Variants in LRP1B observed in about 807,000 individuals in gnomAD.
LRP1B encodes low-density lipoprotein receptor-related protein 1B.
A neutral mutation model predicts 556.6 loss-of-function variants in LRP1B; 217 were observed. That is an observed-to-expected ratio of 0.39 (90% CI 0.35 to 0.44). The LOEUF is 0.44. Among genes scored for constraint, LRP1B ranks in the 20% least tolerant of loss-of-function variants. LRP1B has a pLI of 1.00. For missense variants in LRP1B, 5,053 were observed against 5,620.8 expected (o/e 0.90, Z 3.23); for synonymous variants, 2,047 against 1,865.8 (o/e 1.10, Z -2.50).
intron 56 of LRP1B, among the ~76,000 whole-genome samples, chr2:140,493,003 G>T (rs1688767122): frequency 6.6e-6 from 1 of 152,122 alleles, no homozygotes; most frequent in Non-Finnish European, 1.5e-5. Context: ...TTGTCTGCAT[G>T]AATTGCAGAA....
At chr2:141,158,304 A>G (rs1702119457) in intron 7 of LRP1B, among the ~76,000 whole-genome samples, 1 of 152,208 alleles carries the variant, frequency 6.6e-6, no homozygotes, top group African/African-American at 2.4e-5. Flanking sequence ...TGAAGTCAAG[A>G]GCAGCTGAAC....
rs950256999 is a variant in LRP1B, at chr2:140,650,081, T to A, written c.6800-48442A>T. ...CATAAAGAAATATATATTCTAAAAG[T>A]AAGCTACACGAAAGAGACAATTTTT... On this transcript the variant is annotated intron_variant, in intron 41 of 90. Transcript: ENST00000389484. Among the ~76,000 whole-genome samples, 3 of 152,010 alleles carry A rather than the reference T, an allele frequency of 2.0e-5. 1 individual carries two copies. The highest frequency in any genetic ancestry group is 1.3e-4 in the Admixed American group (2 of 15,240).
chr2:142,032,699 A>C (rs1703749668), intron 1 of LRP1B, among the ~76,000 whole-genome samples: 1 of 151,812 alleles, frequency 6.6e-6, no homozygotes, highest in African/African-American at 2.4e-5. Context: ...CATACTGCCT[A>C]GGGCTTCCCT....
At chr2:140,895,493 C>T (rs1274390663) in intron 23 of LRP1B, among the ~76,000 whole-genome samples, 1 of 148,906 alleles carries the variant, frequency 6.7e-6, no homozygotes, top group Non-Finnish European at 1.5e-5. Context: ...AGAAGGAATG[C>T]TTCAGGTCAC....
chr2:140,461,414 C>G (rs1474835360), intron 60 of LRP1B, among the ~76,000 whole-genome samples: 3 of 152,082 alleles, frequency 2.0e-5, no homozygotes, highest in African/African-American at 7.2e-5. Context: ...GTTAGTATGT[C>G]AATAGACATT....
intron 77 of LRP1B, among the ~76,000 whole-genome samples, chr2:140,338,000 T>A (rs1681181909): frequency 6.6e-6 from 1 of 151,602 alleles, no homozygotes; most frequent in South Asian, 2.1e-4. Context: ...AAGATTTTAC[T>A]AAGGGTGAAT....
At chr2:141,124,664 GAAAAAAA>G (rs570765407) in intron 7 of LRP1B, among the ~76,000 whole-genome samples, 5 of 73,680 alleles carry the variant, frequency 6.8e-5, no homozygotes, top group Non-Finnish European at 1.6e-4. Flanking sequence ...AGTGACAAAT[GAAAAAAA>G]AAAAAAAAAG....
chr2:140,552,207 G>A (rs942049995), intron 43 of LRP1B, among the ~76,000 whole-genome samples: 11 of 152,014 alleles, frequency 7.2e-5, no homozygotes, highest in Admixed American at 2.6e-4. Flanking sequence ...CCCTAGTATC[G>A]TATTACAGAC....
intron 66 of LRP1B, among the ~76,000 whole-genome samples, chr2:140,421,177 C>T (rs550460082): frequency 2.0e-5 from 3 of 152,192 alleles, no homozygotes; most frequent in Non-Finnish European, 4.4e-5. Context: ...GTCGCTTGAA[C>T]CCTGGAGACA....
intron 2 of LRP1B, among the ~76,000 whole-genome samples, chr2:141,517,169 T>G (rs182719102): frequency 2.0e-5 from 3 of 151,804 alleles, no homozygotes; most frequent in African/African-American, 4.8e-5. Context: ...TTCATTGTAA[T>G]TTTTAAGTTA....
intron 1 of LRP1B, among the ~76,000 whole-genome samples, chr2:142,106,467 G>C (rs1424562671): frequency 1.3e-5 from 2 of 152,122 alleles, no homozygotes; most frequent in Admixed American, 1.3e-4. Flanking sequence ...TAAGTGACTT[G>C]TTCAGAGTTT....
intron 66 of LRP1B, among the ~76,000 whole-genome samples, chr2:140,408,991 C>T (rs1684860824): frequency 1.3e-5 from 2 of 151,952 alleles, no homozygotes; most frequent in African/African-American, 4.8e-5. Context: ...TTCAGAACTT[C>T]TCTTGCTAGT....
intron 1 of LRP1B, among the ~76,000 whole-genome samples, chr2:141,903,772 C>T (rs1305020470): frequency 6.6e-6 from 1 of 151,690 alleles, no homozygotes; most frequent in Non-Finnish European, 1.5e-5. Flanking sequence ...CATAAACACA[C>T]CAAAAATGTG....
intron 3 of LRP1B, among the ~76,000 whole-genome samples, chr2:141,373,243 T>A (rs1486293677): frequency 6.6e-6 from 1 of 152,094 alleles, no homozygotes; most frequent in East Asian, 1.9e-4. Flanking sequence ...TACAAATTTT[T>A]AAAAATTTTT....
At chr2:142,116,251 G>A in intron 1 of LRP1B, among the ~76,000 whole-genome samples, 1 of 138,722 alleles carries the variant, frequency 7.2e-6, no homozygotes, top group African/African-American at 2.7e-5. Flanking sequence ...AATTGATCAA[G>A]ATTAACATAA....
At chr2:141,442,708 C>T (rs4485509) in intron 3 of LRP1B, among the ~76,000 whole-genome samples, 8,447 of 152,156 alleles carry the variant, frequency 0.056, 310 homozygotes, top group South Asian at 0.13. Flanking sequence ...TGTTAGTTTA[C>T]TGAGAATGAT....
intron 1 of LRP1B, among the ~76,000 whole-genome samples, chr2:141,996,210 C>T (rs1233486868): frequency 5.6e-5 from 2 of 35,984 alleles, no homozygotes; most frequent in African/African-American, 2.6e-4. Flanking sequence ...GAGCGAGACT[C>T]AAAAAAAAAA....
chr2:140,502,179 G>A (rs1689229275), intron 54 of LRP1B, among the ~76,000 whole-genome samples: 1 of 151,930 alleles, frequency 6.6e-6, no homozygotes, highest in Non-Finnish European at 1.5e-5. Context: ...TGAAGAATGA[G>A]TTCAAAAGTT....
chr2:141,786,235 A>G (rs868650377), intron 2 of LRP1B, among the ~76,000 whole-genome samples: 1 of 151,990 alleles, frequency 6.6e-6, no homozygotes, highest in Non-Finnish European at 1.5e-5. Flanking sequence ...TTTTTTCTAC[A>G]ATAAAAGGAA....
Sources: gnomAD v4.1 joint callset for allele counts (sites outside exome capture counted in the v4.1 genomes callset) on GRCh38, gnomAD v4.1.1 for gene constraint, MANE v1.5 for transcripts, NCBI Gene and HGNC (gene_info 2026-07-23, HGNC 2026-07-21) for gene names.